Variants in CHL1 observed in about 807,000 individuals in gnomAD.
CHL1 encodes the protein neural cell adhesion molecule L1-like protein.
CHL1 carries 96 observed loss-of-function variants against 141.9 expected under a neutral mutation model. The ratio of observed to expected loss-of-function variants is 0.68; its 90% CI spans 0.57 to 0.80. CHL1 has a LOEUF of 0.80. Ranked by LOEUF, CHL1 falls within the 30% of genes least tolerant of loss-of-function variation. The pLI, the probability that CHL1 is intolerant of heterozygous loss-of-function variation, is 0.00. For missense variants in CHL1, 1,820 were observed against 1,457.2 expected (o/e 1.25, Z -4.05); for synonymous variants, 613 against 502.2 (o/e 1.22, Z -2.95).
At chr3:364,651 T>C (rs1301993209) in intron 14 of CHL1, among the ~76,000 whole-genome samples, 3 of 152,280 alleles carry the variant, frequency 2.0e-5, no homozygotes, top group Admixed American at 6.5e-5. Context: ...TTTTTTTACA[T>C]ATACAAAAGG....
chr3:238,095 G>A (rs539712079), intron 1 of CHL1, among the ~76,000 whole-genome samples: 1 of 152,248 alleles, frequency 6.6e-6, no homozygotes, highest in East Asian at 1.9e-4. Flanking sequence ...TGCAGTACTA[G>A]TAGCTTATAA....
intron 19 of CHL1, among the ~76,000 whole-genome samples, chr3:388,234 A>T (rs1321769081): frequency 6.6e-6 from 1 of 152,210 alleles, no homozygotes; most frequent in African/African-American, 2.4e-5. Context: ...AGTGGAAATA[A>T]ACAATTTCCC....
chr3:303,135 G>A (rs1698909213), intron 2 of CHL1, among the ~76,000 whole-genome samples: 1 of 152,100 alleles, frequency 6.6e-6, no homozygotes, highest in African/African-American at 2.4e-5. Flanking sequence ...TGCTGTTTTG[G>A]TTACTGTAGA....
intron 2 of CHL1, among the ~76,000 whole-genome samples, chr3:263,174 C>T (rs376277063): frequency 1.3e-5 from 2 of 152,076 alleles, no homozygotes; most frequent in Non-Finnish European, 2.9e-5. Flanking sequence ...CAGGCAAGGC[C>T]GACTCATTGA....
chr3:313,728 T>C (rs544298998), intron 2 of CHL1, among the ~76,000 whole-genome samples: 13 of 152,310 alleles, frequency 8.5e-5, no homozygotes, highest in Non-Finnish European at 1.3e-4. Context: ...TTTGTATGCA[T>C]TGTTGCCTTT....
At chr3:266,398 G>A (rs1316784758) in intron 2 of CHL1, among the ~76,000 whole-genome samples, 1 of 152,144 alleles carries the variant, frequency 6.6e-6, no homozygotes, top group Non-Finnish European at 1.5e-5. Context: ...TGGTTAGAAG[G>A]GGGCTGGGGA....
At chr3:298,797 A>G (rs192383634) in intron 2 of CHL1, among the ~76,000 whole-genome samples, 5 of 152,294 alleles carry the variant, frequency 3.3e-5, no homozygotes, top group Admixed American at 3.3e-4. Context: ...GGTGATATGG[A>G]TACAGAGATT....
chr3:313,727 A>AT (rs767049471), intron 2 of CHL1, among the ~76,000 whole-genome samples: 3 of 152,180 alleles, frequency 2.0e-5, no homozygotes, highest in Non-Finnish European at 4.4e-5. Flanking sequence ...ATTTGTATGC[A>AT]TTGTTGCCTT....
chr3:216,826 G>C (rs527708065), intron 1 of CHL1, among the ~76,000 whole-genome samples: 2 of 152,326 alleles, frequency 1.3e-5, no homozygotes, highest in East Asian at 3.9e-4. Flanking sequence ...AAGCAATGCT[G>C]ATATATGGAA....
At chr3:301,910 G>A (rs527948631) in intron 2 of CHL1, among the ~76,000 whole-genome samples, 22 of 152,098 alleles carry the variant, frequency 1.4e-4, no homozygotes, top group South Asian at 4.1e-4. Flanking sequence ...GCACCGCACC[G>A]CCAACAGGCC....
chr3:239,698 T>C (rs1054170344), intron 1 of CHL1, among the ~76,000 whole-genome samples: 2 of 151,926 alleles, frequency 1.3e-5, no homozygotes, highest in African/African-American at 4.8e-5. Context: ...TTTGGTGCAC[T>C]CATTACCCAA....
intron 1 of CHL1, among the ~76,000 whole-genome samples, chr3:212,237 T>C (rs13083041): frequency 0.35 from 52,925 of 151,912 alleles, 10,452 homozygotes; most frequent in East Asian, 0.52. Context: ...TGGAACCCAA[T>C]CAATTCTCAG....
intron 1 of CHL1, chr3:198,173 G>C (rs13074385): frequency 1.0e-5 from 2 of 191,842 alleles, no homozygotes; most frequent in Admixed American, 6.0e-5. Context: ...GGCGGGGAAG[G>C]GGTGGGAGGC....
intron 1 of CHL1, among the ~76,000 whole-genome samples, chr3:205,558 C>A (rs17329331): frequency 6.6e-6 from 1 of 152,096 alleles, no homozygotes; most frequent in African/African-American, 2.4e-5. Flanking sequence ...GAGAGTTGAA[C>A]GTAGTCCTGG....
chr3:406,867 A>G lies in CHL1; in HGVS notation c.*1156A>G, dbSNP rs1295079591. 6.6e-6 allele frequency: 1 copy of G among 152,128 alleles called. No individual in the cohort carries two copies. The highest frequency in any genetic ancestry group is 1.9e-4 in the East Asian group (1 of 5,186). 9.4% of individuals were successfully genotyped at this position (152,128 alleles called of 1,614,324 possible). On this transcript the variant is annotated 3_prime_UTR_variant, in exon 28 of 28. Transcript: ENST00000256509. ...TATAAATATTGAGGGAAATGTTTTCATATTTTTCAAAATAGGTTTTTATTG... is the reference window on the plus strand; with the variant it reads ...TATAAATATTGAGGGAAATGTTTTCGTATTTTTCAAAATAGGTTTTTATTG...
At chr3:303,713 T>C (rs657864) in intron 2 of CHL1, among the ~76,000 whole-genome samples, 10,071 of 152,166 alleles carry the variant, frequency 0.066, 1,148 homozygotes, top group African/African-American at 0.23. Flanking sequence ...GAATACACTT[T>C]ATTTCTTTCT....
At chr3:197,905 G>C in intron 1 of CHL1, 2 of 425,494 alleles carry the variant, frequency 4.7e-6, no homozygotes, top group Non-Finnish European at 9.3e-6. Context: ...GAGTGTGCGT[G>C]GGGAGGCAGC....
chr3:245,840 G>T (rs934880030), intron 2 of CHL1, among the ~76,000 whole-genome samples: 30 of 152,044 alleles, frequency 2.0e-4, no homozygotes, highest in Non-Finnish European at 2.9e-5. Flanking sequence ...AACTCTCTGT[G>T]CTTTGAAAAA....
At chr3:301,433 G>C (rs1698720767) in intron 2 of CHL1, among the ~76,000 whole-genome samples, 1 of 152,186 alleles carries the variant, frequency 6.6e-6, no homozygotes, top group Non-Finnish European at 1.5e-5. Flanking sequence ...CCTACTGGCT[G>C]TTCTGACCCA....
Sources: gnomAD v4.1 joint callset for allele counts (sites outside exome capture counted in the v4.1 genomes callset) on GRCh38, gnomAD v4.1.1 for gene constraint, MANE v1.5 for transcripts, NCBI Gene and HGNC (gene_info 2026-07-23, HGNC 2026-07-21) for gene names.